The following RSU1 variants were observed in gnomAD, a reference collection of about 807,000 sequenced individuals.
RSU1 encodes the protein rsu-1.
Under a neutral mutation model 31.1 loss-of-function variants are expected in RSU1, and 26 were observed. That is an observed-to-expected ratio of 0.84 (90% CI 0.61 to 1.16). The LOEUF is 1.16. RSU1 is among the 50% of genes most tolerant of loss of function. The pLI, the probability that RSU1 is intolerant of heterozygous loss-of-function variation, is 0.00. For synonymous variants in RSU1, 164 were observed against 136.3 expected, an observed-to-expected ratio of 1.20 and a Z score of -1.41; for missense variants, 320 against 339.1, an observed-to-expected ratio of 0.94 and a Z score of 0.44.
At chr10:16,748,931 C>T (rs1444743953) in intron 7 of RSU1, among the ~76,000 whole-genome samples, 1 of 150,684 alleles carries the variant, frequency 6.6e-6, no homozygotes, top group African/African-American at 2.5e-5. Context: ...TTTCTTCTGT[C>T]TTCTCCCGCT....
At chr10:16,665,931 G>A (rs895852084) in intron 8 of RSU1, among the ~76,000 whole-genome samples, 7 of 152,122 alleles carry the variant, frequency 4.6e-5, no homozygotes, top group Admixed American at 2.0e-4. Flanking sequence ...TGCAAAGCTG[G>A]TATTCTGCCA....
intron 8 of RSU1, among the ~76,000 whole-genome samples, chr10:16,668,052 T>C (rs1835032725): frequency 6.6e-6 from 1 of 152,222 alleles, no homozygotes; most frequent in Non-Finnish European, 1.5e-5. Context: ...GCTTGGAGTT[T>C]GCAGTGAGAA....
chr10:16,809,207 C>A (rs1442598397), intron 2 of RSU1, among the ~76,000 whole-genome samples: 2 of 152,210 alleles, frequency 1.3e-5, no homozygotes, highest in African/African-American at 4.8e-5. Context: ...AATGGGGACA[C>A]TGCAAATTCC....
chr10:16,766,765 G>C (rs1381625842), intron 3 of RSU1, among the ~76,000 whole-genome samples: 2 of 151,960 alleles, frequency 1.3e-5, no homozygotes, highest in Admixed American at 6.6e-5. Context: ...TGTGATCCCA[G>C]CACTTTGGGA....
intron 8 of RSU1, among the ~76,000 whole-genome samples, chr10:16,668,992 G>T (rs932672894): frequency 1.3e-5 from 2 of 152,092 alleles, no homozygotes; most frequent in African/African-American, 4.8e-5. Flanking sequence ...TTCACCAAGA[G>T]GTGGTGCACT....
intron 7 of RSU1, among the ~76,000 whole-genome samples, chr10:16,725,269 C>G (rs936636638): frequency 1.1e-4 from 16 of 152,152 alleles, no homozygotes; most frequent in Non-Finnish European, 1.3e-4. Context: ...AGCAAGTCAT[C>G]ATTAAGTGGG....
At chr10:16,615,439 A>T (rs1833959508) in intron 8 of RSU1, among the ~76,000 whole-genome samples, 1 of 152,130 alleles carries the variant, frequency 6.6e-6, no homozygotes, top group Non-Finnish European at 1.5e-5. Flanking sequence ...GTAGTGGGAG[A>T]CTTTAACACC....
intron 3 of RSU1, among the ~76,000 whole-genome samples, chr10:16,777,892 A>C (rs1352254943): frequency 6.6e-6 from 1 of 152,208 alleles, no homozygotes; most frequent in African/African-American, 2.4e-5. Context: ...CTGAGCGGTC[A>C]TGAAAACAGT....
At chr10:16,609,464 C>A (rs2131466581) in intron 8 of RSU1, among the ~76,000 whole-genome samples, 1 of 152,304 alleles carries the variant, frequency 6.6e-6, no homozygotes, top group South Asian at 2.1e-4. Context: ...ACAAAACACC[C>A]CTGGAAGGTG....
intron 2 of RSU1, among the ~76,000 whole-genome samples, chr10:16,809,992 T>TGG (rs896528744): frequency 1.2e-3 from 104 of 83,848 alleles, no homozygotes; most frequent in African/African-American, 5.4e-3. Flanking sequence ...AGGCCGGGGG[T>TGG]GGGGGGGGGA....
intron 2 of RSU1, among the ~76,000 whole-genome samples, chr10:16,810,190 C>T (rs1838380013): frequency 6.6e-6 from 1 of 151,986 alleles, no homozygotes; most frequent in South Asian, 2.1e-4. Context: ...AAGATCGCGC[C>T]ACTGCACTCC....
At chr10:16,602,724 C>T (rs971444519) in intron 8 of RSU1, among the ~76,000 whole-genome samples, 4 of 152,112 alleles carry the variant, frequency 2.6e-5, no homozygotes, top group Admixed American at 6.5e-5. Flanking sequence ...ATGGCAAGTC[C>T]TCATACAGAC....
At chr10:16,664,906 G>T (rs972730362) in intron 8 of RSU1, among the ~76,000 whole-genome samples, 41 of 152,008 alleles carry the variant, frequency 2.7e-4, no homozygotes, top group African/African-American at 9.7e-4. Context: ...AGTATTTATT[G>T]AATGCTTATT....
Position 16,682,322 on chromosome 10 carries a change from C to G in RSU1, c.731+12701G>C, listed in dbSNP as rs758344684. The stretch of plus-strand genomic sequence containing the variant: ...GCTAGGCATTCCTAGCCTCTAAATG[C>G]TTATAGTTACGGGAACAGACTGATA... On this transcript the variant is annotated intron_variant, in intron 8 of 8. Coordinates refer to ENST00000345264, the MANE Select transcript of RSU1 (RefSeq NM_012425.4). Among the ~76,000 whole-genome samples, 44 of 152,224 alleles carry G rather than the reference C, an allele frequency of 2.9e-4. No individual in the cohort carries two copies. The Middle Eastern group carries it at 0.01, about 35-fold the overall frequency.
intron 7 of RSU1, among the ~76,000 whole-genome samples, chr10:16,705,691 T>C (rs1308916624): frequency 6.6e-6 from 1 of 152,182 alleles, no homozygotes; most frequent in African/African-American, 2.4e-5. Flanking sequence ...GGTTTCACCA[T>C]GTTGGCCAAG....
chr10:16,662,299 T>C (rs1262924351), intron 8 of RSU1, among the ~76,000 whole-genome samples: 1 of 152,246 alleles, frequency 6.6e-6, no homozygotes, highest in Non-Finnish European at 1.5e-5. Context: ...ACAGCACTTC[T>C]CTTTGAGAAA....
At chr10:16,598,257 G>A (rs983594149) in intron 8 of RSU1, among the ~76,000 whole-genome samples, 2 of 152,124 alleles carry the variant, frequency 1.3e-5, no homozygotes, top group Non-Finnish European at 2.9e-5. Context: ...CAGCAGGAGG[G>A]ACCAGCTGCA....
chr10:16,726,334 C>G (rs1190457821), intron 7 of RSU1, among the ~76,000 whole-genome samples: 1 of 145,920 alleles, frequency 6.9e-6, no homozygotes, highest in Admixed American at 6.9e-5. Context: ...GTGGCGCAAT[C>G]TCGGCTCACT....
At chr10:16,614,338 G>T (rs7098563) in intron 8 of RSU1, among the ~76,000 whole-genome samples, 44,575 of 151,738 alleles carry the variant, frequency 0.29, 9,849 homozygotes, top group African/African-American at 0.63. Flanking sequence ...AGATAGAGAG[G>T]AGAAGGATGG....
Sources: allele counts gnomAD v4.1 joint callset (sites outside exome capture counted in the v4.1 genomes callset), GRCh38; gene constraint gnomAD v4.1.1; transcripts MANE v1.5; gene names NCBI Gene and HGNC (gene_info 2026-07-23, HGNC 2026-07-21).